The following ZDHHC11B variants were observed in gnomAD, a reference collection of about 807,000 sequenced individuals.
ZDHHC11B encodes the protein zDHHC palmitoyltransferase 11B (putative).
A neutral mutation model predicts 42.3 loss-of-function variants in ZDHHC11B; 17 were observed. The ratio of observed to expected loss-of-function variants is 0.40; its 90% CI spans 0.27 to 0.60. ZDHHC11B has a LOEUF of 0.60. Among genes scored for constraint, ZDHHC11B ranks in the 20% least tolerant of loss-of-function variants. The pLI is 0.41. For synonymous variants in ZDHHC11B, 123 were observed against 193.5 expected (o/e 0.64, Z 3.02); for missense variants, 262 against 463.2 (o/e 0.57, Z 3.99).
intron 13 of ZDHHC11B, among the ~76,000 whole-genome samples, chr5:716,159 G>A (rs1417027479): frequency 1.3e-5 from 2 of 151,034 alleles, no homozygotes; most frequent in Non-Finnish European, 3.0e-5. Context: ...CATGTCTCAT[G>A]TTTCTTAGCT....
chr5:756,459 C>T (rs1339539403), intron 4 of ZDHHC11B, among the ~76,000 whole-genome samples: 1 of 151,842 alleles, frequency 6.6e-6, no homozygotes, highest in African/African-American at 2.4e-5. Flanking sequence ...CCTGCACACA[C>T]AGCCCTGTGC....
rs1454307613 is a variant in ZDHHC11B at position 741,628 on chromosome 5, G to GC, written c.901-1dup (p.Gln301AlafsTer45). On this transcript the variant is annotated frameshift_variant and splice_region_variant. Transcript: ENST00000508859. LOFTEE classifies it high-confidence loss of function. ...GATGAGCCCAGGGCGCCAGCTCCTT[G>GC]CTGTGGGGCAAAAGAAAATTCGTCA... 1 of 1,455,056 alleles carries GC rather than the reference G, an allele frequency of 6.9e-7. No individual in the cohort carries two copies. Among genetic ancestry groups the GC allele is most frequent in the East Asian group, 2.5e-5 (1 of 40,460 alleles). The allele number at this position is 1,455,056 out of a possible 1,614,324, so 90.1% of individuals were successfully genotyped here. A position where few individuals can be genotyped will look rare whatever the true frequency, so the allele number is the denominator to read the frequency against.
intron 6 of ZDHHC11B, among the ~76,000 whole-genome samples, chr5:751,846 G>T (rs1189225230): frequency 8.3e-6 from 1 of 119,852 alleles, no homozygotes; most frequent in Non-Finnish European, 1.9e-5. Flanking sequence ...TTGCAAACGT[G>T]ATTGCCTTTA....
intron 4 of ZDHHC11B, among the ~76,000 whole-genome samples, chr5:762,063 A>C (rs1277023627): frequency 6.8e-6 from 1 of 147,764 alleles, no homozygotes; most frequent in Non-Finnish European, 1.5e-5. Flanking sequence ...GCCCACTTGC[A>C]GCCCAGACAG....
chr5:760,130 C>T (rs1376285615), intron 4 of ZDHHC11B, among the ~76,000 whole-genome samples: 8 of 151,702 alleles, frequency 5.3e-5, no homozygotes, highest in African/African-American at 1.2e-4. Context: ...CAGAGGCACG[C>T]GTGGCCGAGC....
chr5:750,945 G>A (rs1469354180), intron 7 of ZDHHC11B, among the ~76,000 whole-genome samples, 188 bp downstream of exon 7: 9 of 114,068 alleles, frequency 7.9e-5, no homozygotes, highest in South Asian at 4.0e-4. Flanking sequence ...TGCCTCCCGC[G>A]CGCTGGGGGC....
At position 745,288 on chromosome 5, in the gene ZDHHC11B, C is replaced by T. The variant is rs578012270; in HGVS notation, c.795G>A (p.Lys265=). 43 of 1,607,206 alleles carry T rather than the reference C, an allele frequency of 2.7e-5. No homozygotes were observed. The East Asian group carries it at 9.7e-4, about 36-fold the overall frequency. Residue 265 remains lysine, a synonymous_variant, in exon 9 of 14, where the codon AAG becomes AAA. Coordinates refer to ENST00000508859, the MANE Select transcript of ZDHHC11B (RefSeq NM_001351303.2). ...LIFHIYLKAK[K]MTTFEYLINT... ...TAATGAGATACTCAAAGGTGGTCAT[C>T]TTCTTGGCCTCTGGAAAGGGAAAAG... is the stretch of plus-strand genomic sequence containing the variant.
intron 12 of ZDHHC11B, among the ~76,000 whole-genome samples, chr5:726,611 TG>T (rs1297083623): frequency 8.3e-6 from 1 of 120,190 alleles, no homozygotes; most frequent in African/African-American, 3.4e-5. Context: ...AAAAAGCAGG[TG>T]CCTAAAGAGG....
intron 1 of ZDHHC11B, among the ~76,000 whole-genome samples, chr5:771,067 C>T (rs1461079459): frequency 1.3e-5 from 2 of 151,984 alleles, no homozygotes; most frequent in African/African-American, 2.4e-5. Flanking sequence ...CCAGGTGGGC[C>T]GTCAGCACTG....
At chr5:758,639 C>T (rs1342058767) in intron 4 of ZDHHC11B, among the ~76,000 whole-genome samples, 11 of 151,922 alleles carry the variant, frequency 7.2e-5, no homozygotes, top group Admixed American at 3.3e-4. Context: ...ACCCTGAAGG[C>T]GTCCACCCAG....
intron 12 of ZDHHC11B, among the ~76,000 whole-genome samples, chr5:721,953 C>G (rs1473103726): frequency 6.6e-6 from 1 of 151,690 alleles, no homozygotes; most frequent in South Asian, 2.1e-4. Context: ...ACAGAAGAAG[C>G]TTTTTATGCC....
intron 13 of ZDHHC11B, 67 bp from the exon 14 acceptor site, chr5:712,349 G>A (rs1159120234): frequency 6.9e-6 from 1 of 144,360 alleles, no homozygotes; most frequent in Non-Finnish European, 1.5e-5. Flanking sequence ...TACTTGTGAT[G>A]GAAACCCACC....
chr5:783,485 A>C (rs1312446982), intron 1 of ZDHHC11B, among the ~76,000 whole-genome samples: 1 of 138,988 alleles, frequency 7.2e-6, no homozygotes, highest in Non-Finnish European at 1.6e-5. Context: ...TCAGGCGGGG[A>C]GGGGTGGCCG....
chr5:741,324 C>A (rs1484955880), intron 10 of ZDHHC11B, among the ~76,000 whole-genome samples: 1 of 149,166 alleles, frequency 6.7e-6, no homozygotes. Context: ...AATAAATAAG[C>A]GGGTCGTACT....
intron 4 of ZDHHC11B, among the ~76,000 whole-genome samples, chr5:760,541 C>T (rs773261700): frequency 3.3e-5 from 5 of 151,672 alleles, no homozygotes; most frequent in Admixed American, 2.6e-4. Context: ...CTGTTGCAGG[C>T]ACCCGGTTTT....
intron 1 of ZDHHC11B, among the ~76,000 whole-genome samples, chr5:776,089 G>C (rs1285277533): frequency 1.3e-5 from 2 of 150,154 alleles, no homozygotes; most frequent in African/African-American, 5.0e-5. Context: ...TCCTGTCCAG[G>C]GGGAGCACCC....
intron 12 of ZDHHC11B, 35 bp downstream of exon 12, chr5:730,399 C>G (rs1230288293): frequency 1.3e-6 from 2 of 1,573,344 alleles, no homozygotes; most frequent in African/African-American, 1.4e-5. Context: ...AGTGTACAGA[C>G]AGATAAAACG....
chr5:734,542 T>TA (rs1375167971), intron 10 of ZDHHC11B, among the ~76,000 whole-genome samples: 1 of 64,362 alleles, frequency 1.6e-5, no homozygotes, highest in African/African-American at 1.1e-4. Context: ...GTCAGCACAG[T>TA]AAACCTATCG....
In ZDHHC11B at chr5:748,488, C is replaced by T. The variant is rs760862683; in HGVS notation, c.700G>A (p.Val234Met). 29 of 1,364,096 alleles carry T rather than the reference C, an allele frequency of 2.1e-5. 3 individuals carry two copies. Among genetic ancestry groups the T allele is most frequent in the African/African-American group, 1.8e-4 (13 of 72,160 alleles). The allele number at this position is 1,364,096 out of a possible 1,614,324, so 84.5% of individuals were successfully genotyped here. ...AGGAGCACGAGCATCCTGATGATCA[C>T]GACTATCAGAGTCTGCACCTGCACC... ...FPVQVQTLIV[V>M]IIRMLVLLLD... Residue 234 changes from valine to methionine, a missense_variant, in exon 8 of 14, where the codon GTG (valine) becomes ATG (methionine). Physicochemically the swap from Val to Met is conservative, Grantham distance 21 (BLOSUM62 1). Around this residue, in one of 5 missense-constraint regions of ZDHHC11B, gnomAD observed 57 missense variants for 103.3 expected, o/e 0.55. Coordinates refer to ENST00000508859, the MANE Select transcript of ZDHHC11B (RefSeq NM_001351303.2).
Sources: allele counts gnomAD v4.1 joint callset (sites outside exome capture counted in the v4.1 genomes callset), GRCh38; gene constraint gnomAD v4.1.1; regional missense constraint gnomAD v4.1.1; transcripts MANE v1.5; gene names NCBI Gene and HGNC (gene_info 2026-07-23, HGNC 2026-07-21).